TRMT11: variants seen among roughly 807,000 people sequenced by gnomAD.
TRMT11 encodes the protein tRNA (guanine(10)-N(2))-methyltransferase TRMT11.
A neutral mutation model predicts 62.8 loss-of-function variants in TRMT11; 53 were observed. The ratio of observed to expected loss-of-function variants is 0.84; its 90% confidence interval spans 0.68 to 1.06. The LOEUF is 1.06. Ranked by LOEUF, TRMT11 falls within the 50% of genes least tolerant of loss-of-function variation. The pLI, the probability that TRMT11 is intolerant of heterozygous loss-of-function variation, is 0.00. For missense variants in TRMT11, 556 were observed against 553.4 expected (o/e 1.00, Z -0.05); for synonymous variants, 188 against 190.3 (o/e 0.99, Z 0.10).
downstream of TRMT11, among the ~76,000 whole-genome samples, chr6:126,205,145 GGA>G (rs1000896197): frequency 1.3e-5 from 2 of 152,166 alleles, no homozygotes; most frequent in African/African-American, 4.8e-5. Flanking sequence ...GCATTTATAG[GGA>G]GAGGAGATGG....
the TRMT11 span, among the ~76,000 whole-genome samples, chr6:126,240,681 G>C: frequency 3.3e-5 from 5 of 152,244 alleles, no homozygotes; most frequent in Admixed American, 6.5e-5. Context: ...GAGGCAGTCT[G>C]TCCATTCTCA....
chr6:126,093,613 A>ATTTTTTTTTTTTT (rs1461240855), intron 17 of TRMT11, among the ~76,000 whole-genome samples: 1 of 88,076 alleles, frequency 1.1e-5, no homozygotes, highest in African/African-American at 7.9e-5. Context: ...ATATATATAT[A>ATTTTTTTTTTTTT]TATATATATA....
At chr6:126,020,744 A>G (rs981401692) in intron 11 of TRMT11, among the ~76,000 whole-genome samples, 4 of 152,244 alleles carry the variant, frequency 2.6e-5, no homozygotes, top group African/African-American at 9.6e-5. Context: ...AGGGGAAAGT[A>G]TATGCTGTAG....
the TRMT11 span, among the ~76,000 whole-genome samples, chr6:126,247,326 TAC>T: frequency 6.6e-6 from 1 of 151,356 alleles, no homozygotes; most frequent in South Asian, 2.1e-4. Flanking sequence ...AATAATCTTA[TAC>T]ACACACACAT....
chr6:126,094,308 A>G (rs1397322910), intron 17 of TRMT11, among the ~76,000 whole-genome samples: 1 of 152,226 alleles, frequency 6.6e-6, no homozygotes, highest in African/African-American at 2.4e-5. Flanking sequence ...CAAAGAACAT[A>G]TATTCAGCAA....
the TRMT11 span, among the ~76,000 whole-genome samples, chr6:126,233,456 G>A: frequency 6.6e-6 from 1 of 152,168 alleles, no homozygotes; most frequent in East Asian, 1.9e-4. Flanking sequence ...CCAACTGTAG[G>A]AAAAGAGAAT....
chr6:126,194,796 T>C (rs1325089656), intron 1 of TRMT11, among the ~76,000 whole-genome samples: 1 of 152,136 alleles, frequency 6.6e-6, no homozygotes, highest in Non-Finnish European at 1.5e-5. Context: ...AGAGCATTGG[T>C]CCTAATTTAC....
At chr6:126,163,404 G>A (rs917862871) in intron 21 of TRMT11, among the ~76,000 whole-genome samples, 4 of 152,118 alleles carry the variant, frequency 2.6e-5, no homozygotes, top group Non-Finnish European at 2.9e-5. Context: ...GGATGAAGCC[G>A]ACTTGATCAT....
chr6:126,093,615 A>ATTTTTTTTTTT (rs1451363711), intron 17 of TRMT11, among the ~76,000 whole-genome samples: 2 of 89,168 alleles, frequency 2.2e-5, no homozygotes, highest in African/African-American at 1.6e-4. Flanking sequence ...ATATATATAT[A>ATTTTTTTTTTT]TATATATATA....
At chr6:126,056,542 T>TGGC (rs1776380540) in intron 17 of TRMT11, among the ~76,000 whole-genome samples, 1 of 152,176 alleles carries the variant, frequency 6.6e-6, no homozygotes, top group African/African-American at 2.4e-5. Context: ...GCCTCCTGAT[T>TGGC]GGCCACCTTT....
At chr6:126,010,436 G>A (rs1201188673) in intron 8 of TRMT11, among the ~76,000 whole-genome samples, 3 of 151,868 alleles carry the variant, frequency 2.0e-5, no homozygotes, top group East Asian at 1.9e-4. Context: ...GAGTCATGTC[G>A]TTCTTCTTTT....
the TRMT11 span, among the ~76,000 whole-genome samples, chr6:126,247,183 A>G: frequency 6.6e-6 from 1 of 152,206 alleles, no homozygotes; most frequent in Non-Finnish European, 1.5e-5. Flanking sequence ...CTTACAATCC[A>G]TCTCTCCTAT....
intron 21 of TRMT11, among the ~76,000 whole-genome samples, chr6:126,160,382 GCTT>G (rs889966292): frequency 2.0e-5 from 3 of 151,780 alleles, no homozygotes; most frequent in Non-Finnish European, 2.9e-5. Context: ...TGTTGCTATT[GCTT>G]CTTTTTTTTT....
chr6:126,132,487 A>G (rs1777797277), intron 21 of TRMT11, among the ~76,000 whole-genome samples: 1 of 152,052 alleles, frequency 6.6e-6, no homozygotes, highest in African/African-American at 2.4e-5. Flanking sequence ...TGGATATCCT[A>G]TCATTTCATA....
At chr6:126,214,361 G>T in the TRMT11 span, among the ~76,000 whole-genome samples, 4,416 of 152,050 alleles carry the variant, frequency 0.029, 208 homozygotes, top group African/African-American at 0.099. Flanking sequence ...AAGCCATCAG[G>T]TCTTGGGCTT....
At position 126,011,394 on chromosome 6, in the gene TRMT11, A is replaced by G. The variant is rs376620067; in HGVS notation, c.902A>G (p.Tyr301Cys). The G allele has an allele frequency of 2.0e-5, 33 of 1,612,740 alleles. No homozygotes were observed. The African/African-American group carries it at 3.5e-4, about 17-fold the overall frequency. ...AAACCTTCCTGGAGGAAGGGCACAT[A>G]TTTTGATGCAATCATTACTGATCGT... ...ASKPSWRKGT[Y>C]FDAIITDPPY... The change falls in exon 9 of 13, where the codon TAT becomes TGT. Residue 301 changes from tyrosine (Y) to cysteine (C), a missense_variant. Tyr to Cys is a radical substitution (Grantham distance 194). Transcript: ENST00000334379.
chr6:126,242,127 T>C, the TRMT11 span, among the ~76,000 whole-genome samples: 2 of 152,206 alleles, frequency 1.3e-5, no homozygotes, highest in East Asian at 3.9e-4. Flanking sequence ...ACAAGCATTC[T>C]TATATACCAA....
intron 17 of TRMT11, among the ~76,000 whole-genome samples, chr6:126,054,257 G>T (rs1776306348): frequency 6.6e-6 from 1 of 152,160 alleles, no homozygotes; most frequent in South Asian, 2.1e-4. Context: ...TTGCTCCAGG[G>T]TCTGTTTCTG....
At chr6:126,092,821 G>C (rs139172936) in intron 17 of TRMT11, among the ~76,000 whole-genome samples, 179 of 152,252 alleles carry the variant, frequency 1.2e-3, no homozygotes, top group African/African-American at 4.3e-3. Context: ...TTTGCTGGCT[G>C]ATCAATTGGA....
Sources: allele counts gnomAD v4.1 joint callset (sites outside exome capture counted in the v4.1 genomes callset), GRCh38; gene constraint gnomAD v4.1.1; transcripts MANE v1.5; gene names NCBI Gene and HGNC (gene_info 2026-07-23, HGNC 2026-07-21).